Variants in RFC2 observed in about 807,000 individuals in gnomAD.
RFC2 encodes the protein A1 40 kDa subunit.
A neutral mutation model predicts 44.8 loss-of-function variants in RFC2; 34 were observed. The observed-to-expected ratio is 0.76, with a 90% confidence interval of 0.58 to 1.01. The LOEUF (loss-of-function observed/expected upper bound fraction) is 1.01, where lower values mean the gene tolerates loss of function less well. RFC2 is among the 50% of genes least tolerant of loss of function. The pLI is 0.00. For missense variants in RFC2, 400 were observed against 453.6 expected, an observed-to-expected ratio of 0.88 and a Z score of 1.07; for synonymous variants, 177 against 168.9, an observed-to-expected ratio of 1.05 and a Z score of -0.37.
chr7:74,245,193 C>T (rs1803529266), intron 5 of RFC2, among the ~76,000 whole-genome samples: 1 of 151,648 alleles, frequency 6.6e-6, no homozygotes, highest in African/African-American at 2.4e-5. Flanking sequence ...CCACACCTGG[C>T]TAATTTTGTA....
chr7:74,243,686 G>C (rs1417138805), intron 5 of RFC2, among the ~76,000 whole-genome samples: 1 of 149,768 alleles, frequency 6.7e-6, no homozygotes, highest in African/African-American at 2.5e-5. Context: ...CTGCAGCCTC[G>C]AACTCCTGGG....
intron 4 of RFC2, among the ~76,000 whole-genome samples, chr7:74,247,623 G>C (rs1417521432): frequency 6.6e-6 from 1 of 152,080 alleles, no homozygotes; most frequent in East Asian, 1.9e-4. Flanking sequence ...CTGGGTGACA[G>C]AGCAAGACTC....
At chr7:74,239,809 A>G (rs1310253367) in intron 7 of RFC2, 129 bp downstream of exon 7, 2 of 877,410 alleles carry the variant, frequency 2.3e-6, no homozygotes, top group African/African-American at 3.4e-5. Context: ...CCACTGTCCC[A>G]GGAGGGTGCC....
rs868927519 is a variant in RFC2 at position 74,233,725 on chromosome 7, C to T, written c.955-1509G>A. On this transcript the variant is annotated intron_variant, in intron 10 of 10. Transcript: ENST00000055077. Reference sequence around the variant, plus strand: ...AAGCGATCCTCCTCCCTCAGCCGCCCGAGTAGCTGGGATTACAGGTGTAAG... The same window carrying T: ...AAGCGATCCTCCTCCCTCAGCCGCCTGAGTAGCTGGGATTACAGGTGTAAG... The T allele has an allele frequency of 1.3e-4, 55 of 432,314 alleles. No homozygotes were observed. In the Middle Eastern group the frequency reaches 1.6e-3, roughly 13 times the overall value. The allele number at this position is 432,314 out of a possible 1,614,324, so 26.8% of individuals were successfully genotyped here.
At chr7:74,241,546 A>C (rs1444894726) in intron 6 of RFC2, among the ~76,000 whole-genome samples, 1 of 152,200 alleles carries the variant, frequency 6.6e-6, no homozygotes, top group Non-Finnish European at 1.5e-5. Context: ...GGGTTGTCAG[A>C]TGGATGAGCT....
chr7:74,237,277 T>C (rs782386565), intron 9 of RFC2, 85 bp downstream of exon 9: 8 of 843,844 alleles, frequency 9.5e-6, no homozygotes, highest in Admixed American at 8.2e-5. Flanking sequence ...ATGTGTATAA[T>C]GTCCCTGGTA....
intron 3 of RFC2, among the ~76,000 whole-genome samples, 168 bp downstream of exon 3, chr7:74,249,571 A>C (rs1210741717): frequency 6.6e-6 from 1 of 151,868 alleles, no homozygotes; most frequent in Non-Finnish European, 1.5e-5. Context: ...AAATAAAAAA[A>C]AATACAGCAA....
At chr7:74,243,112 A>G in intron 6 of RFC2, 34 bp downstream of exon 6, 1 of 1,410,494 alleles carries the variant, frequency 7.1e-7, no homozygotes, top group Non-Finnish European at 1.0e-6. Flanking sequence ...GTTGAGCACC[A>G]CGTGGCCCCC....
At chr7:74,244,068 C>A (rs577503272) in intron 5 of RFC2, among the ~76,000 whole-genome samples, 1 of 126,434 alleles carries the variant, frequency 7.9e-6, no homozygotes, top group African/African-American at 3.1e-5. Flanking sequence ...CTGGCCAACA[C>A]AGCAAAACGT....
chr7:74,243,614 T>C (rs75209006), intron 5 of RFC2, among the ~76,000 whole-genome samples: 1 of 150,742 alleles, frequency 6.6e-6, no homozygotes, highest in African/African-American at 2.5e-5. Context: ...CTTTTTTTTT[T>C]CTTAAAGAGA....
intron 10 of RFC2, among the ~76,000 whole-genome samples, chr7:74,235,319 G>A (rs535432091): frequency 6.6e-6 from 1 of 152,198 alleles, no homozygotes; most frequent in African/African-American, 2.4e-5. Flanking sequence ...TTACAGGCAT[G>A]AGCCACCACG....
At chr7:74,245,584 G>A (rs1314820951) in intron 5 of RFC2, among the ~76,000 whole-genome samples, 4 of 150,084 alleles carry the variant, frequency 2.7e-5, no homozygotes, top group African/African-American at 7.3e-5. Context: ...GTGGTGGAGG[G>A]CGCCTGTAGT....
chr7:74,236,983 TAAAC>T (rs1270800440), intron 9 of RFC2, among the ~76,000 whole-genome samples: 3 of 151,682 alleles, frequency 2.0e-5, no homozygotes, highest in Non-Finnish European at 2.9e-5. Flanking sequence ...AATAAATAAA[TAAAC>T]AAACACAGTG....
intron 4 of RFC2, among the ~76,000 whole-genome samples, chr7:74,248,033 G>A (rs1182071051): frequency 2.6e-5 from 4 of 151,920 alleles, no homozygotes; most frequent in Non-Finnish European, 5.9e-5. Flanking sequence ...GGACTCAAGC[G>A]ATCCACCTGC....
In RFC2 at chr7:74,238,765, C is replaced by T. The variant is rs1477617642; in HGVS notation, c.759+158G>A. Among the ~76,000 whole-genome samples the T allele has an allele frequency of 6.6e-6, 1 of 152,176 alleles. No individual in the cohort carries two copies. Among genetic ancestry groups the T allele is most frequent in the East Asian group, 1.9e-4 (1 of 5,190 alleles). The stretch of plus-strand genomic sequence containing the variant: ...CTCTCCAGCTTGTGCAGCAAAGCAG[C>T]AATAGGGAGAGGACAGACGGGAGCA... On this transcript the variant is annotated intron_variant, in intron 8 of 10. Transcript: ENST00000055077. The surrounding 1 kb of genome is among the most constrained non-coding windows in gnomAD (Gnocchi z 4.0).
At chr7:74,243,645 G>C (rs10275704) in intron 5 of RFC2, among the ~76,000 whole-genome samples, 4 of 147,936 alleles carry the variant, frequency 2.7e-5, no homozygotes, top group African/African-American at 7.5e-5. Flanking sequence ...CTGTCACCCA[G>C]GCTGCAGTGC....
intron 5 of RFC2, among the ~76,000 whole-genome samples, chr7:74,245,548 TAAAAATAC>T (rs1216066197): frequency 4.1e-5 from 6 of 146,052 alleles, no homozygotes; most frequent in Non-Finnish European, 9.0e-5. Flanking sequence ...CCGTCTCTAC[TAAAAATAC>T]AAAAAAATTA....
rs143782375 is a variant in RFC2, at chr7:74,238,986, C to T, written c.696G>A (p.Ala232=). ...AGAAGGTGGACTGCAGGTTGTTCAG[C>T]GCCTGTTCAGGAGCAAACACATGTC... ...IFTAQGDMRQ[A]LNNLQSTFSG... is the part of the protein sequence containing the mutation. The change falls in exon 8 of 11, where the codon GCG becomes GCA. Residue 232 remains alanine, a splice_region_variant and synonymous_variant. Transcript: ENST00000055077. This position sits in a 1 kb window ranked among gnomAD's most constrained non-coding sequence, Gnocchi z 4.0. The T allele has an allele frequency of 9.4e-5, 151 of 1,613,436 alleles. No homozygotes were observed. Among genetic ancestry groups the T allele is most frequent in the East Asian group, 6.0e-4 (27 of 44,860 alleles).
Position 74,235,502 on chromosome 7 carries a change from G to C in RFC2, c.954+30C>G, listed in dbSNP as rs200179201. On this transcript the variant is annotated intron_variant, in intron 10 of 10. Transcript: ENST00000055077. The stretch of plus-strand genomic sequence containing the variant: ...CGGCCACTATGGGCCACATTCTTGA[G>C]GACAGAGGCATTTCTACATTCTCAC... 2.6e-5 allele frequency: 36 copies of C among 1,369,726 alleles called. No homozygotes were observed. The African/African-American group carries it at 5.0e-4, about 19-fold the overall frequency. 84.8% of individuals were successfully genotyped at this position (1,369,726 alleles called of 1,614,324 possible).
Sources: allele counts gnomAD v4.1 joint callset (sites outside exome capture counted in the v4.1 genomes callset), GRCh38; gene constraint gnomAD v4.1.1; non-coding constraint Gnocchi (gnomAD v3.1); transcripts MANE v1.5; gene names NCBI Gene and HGNC (gene_info 2026-07-23, HGNC 2026-07-21).